The following VPS45 variants were observed in gnomAD, a reference collection of about 807,000 sequenced individuals.
VPS45 encodes vacuolar protein sorting 45 homolog.
Under a neutral mutation model 75.9 loss-of-function variants are expected in VPS45, and 35 were observed. That is an observed-to-expected ratio of 0.46 (90% confidence interval 0.35 to 0.61). VPS45 has a LOEUF of 0.61. Among genes scored for constraint, VPS45 ranks in the 20% least tolerant of loss-of-function variants. The pLI, the probability that VPS45 is intolerant of heterozygous loss-of-function variation, is 0.00. For missense variants in VPS45, 559 were observed against 685.9 expected, an observed-to-expected ratio of 0.81 and a Z score of 2.07; for synonymous variants, 220 against 238.2, an observed-to-expected ratio of 0.92 and a Z score of 0.70.
chr1:150,112,381 T>C (rs1657692932), intron 14 of VPS45, among the ~76,000 whole-genome samples: 1 of 152,210 alleles, frequency 6.6e-6, no homozygotes. Flanking sequence ...CACAAGATTA[T>C]ATAAATACTA....
chr1:150,097,551 T>C (rs1553803273), intron 13 of VPS45, among the ~76,000 whole-genome samples: 2 of 151,430 alleles, frequency 1.3e-5, no homozygotes, highest in Non-Finnish European at 2.9e-5. Flanking sequence ...AAACCCTGTC[T>C]CTACTAAAAA....
At chr1:150,073,139 G>C (rs897944105) in intron 3 of VPS45, among the ~76,000 whole-genome samples, 1 of 152,076 alleles carries the variant, frequency 6.6e-6, no homozygotes, top group Non-Finnish European at 1.5e-5. Context: ...ACATTCGGCT[G>C]TAGAAGTTAC....
intron 14 of VPS45, among the ~76,000 whole-genome samples, chr1:150,128,292 A>C (rs1658621631): frequency 1.0e-5 from 1 of 97,692 alleles, no homozygotes; most frequent in African/African-American, 4.4e-5. Flanking sequence ...ACAGAATGGG[A>C]CCCTTGTCTT....
At chr1:150,092,213 T>C in intron 11 of VPS45, 89 bp from the exon 12 acceptor site, 2 of 1,528,512 alleles carry the variant, frequency 1.3e-6, no homozygotes, top group Non-Finnish European at 1.8e-6. Context: ...TTCTGTCTTT[T>C]CATTTTTGTT....
intron 13 of VPS45, among the ~76,000 whole-genome samples, chr1:150,106,029 A>C (rs1571872213): frequency 6.6e-6 from 1 of 152,206 alleles, no homozygotes; most frequent in Non-Finnish European, 1.5e-5. Flanking sequence ...TCGATAAATT[A>C]TGCTGGGAAA....
chr1:150,144,499 AC>A (rs1170644084), intron 14 of VPS45, among the ~76,000 whole-genome samples: 3 of 151,498 alleles, frequency 2.0e-5, no homozygotes, highest in Non-Finnish European at 4.4e-5. Context: ...AAAAATGAAG[AC>A]CCTGGGGAAG....
chr1:150,075,079 G>A (rs1406819738), intron 3 of VPS45, among the ~76,000 whole-genome samples: 6 of 131,910 alleles, frequency 4.5e-5, no homozygotes, highest in African/African-American at 1.6e-4. Context: ...TGCCCAGGCT[G>A]GTCTTGAACT....
At chr1:150,078,832 G>A (rs918028797) in intron 7 of VPS45, among the ~76,000 whole-genome samples, 4 of 151,440 alleles carry the variant, frequency 2.6e-5, no homozygotes, top group Non-Finnish European at 4.4e-5. Flanking sequence ...AAGAAGAGCC[G>A]GGCGCGGTGA....
chr1:150,082,679 A>C, intron 9 of VPS45, 37 bp from the exon 10 acceptor site: 1 of 1,595,280 alleles, frequency 6.3e-7, no homozygotes, highest in Non-Finnish European at 8.5e-7. Flanking sequence ...CAGTCAAAAA[A>C]TAACAGAACC....
intron 13 of VPS45, among the ~76,000 whole-genome samples, chr1:150,108,091 T>C (rs782379999): frequency 4.6e-5 from 7 of 152,164 alleles, no homozygotes; most frequent in African/African-American, 4.8e-5. Context: ...AAAGTGACCA[T>C]CAAGTAAGAT....
chr1:150,133,247 C>T (rs1553812764), intron 14 of VPS45, among the ~76,000 whole-genome samples: 1 of 152,014 alleles, frequency 6.6e-6, no homozygotes, highest in Admixed American at 6.6e-5. Context: ...AGAGTCAGTA[C>T]CACTATAATT....
At chr1:150,072,672 A>AAAT (rs1198741898) in intron 3 of VPS45, among the ~76,000 whole-genome samples, 105,118 of 142,370 alleles carry the variant, frequency 0.74, 41,631 homozygotes, top group East Asian at 0.98. Flanking sequence ...AAAAAAAAAT[A>AAAT]CTTTTGACCA....
At chr1:150,120,591 T>C (rs1487509241) in intron 14 of VPS45, among the ~76,000 whole-genome samples, 1 of 152,186 alleles carries the variant, frequency 6.6e-6, no homozygotes, top group Non-Finnish European at 1.5e-5. Context: ...AAAGTTATCT[T>C]AAAGTGGCTC....
intron 14 of VPS45, among the ~76,000 whole-genome samples, chr1:150,132,391 G>A (rs1056134506): frequency 2.0e-5 from 3 of 152,106 alleles, no homozygotes; most frequent in Non-Finnish European, 2.9e-5. Flanking sequence ...ATTATTTCCA[G>A]TATTATCTAT....
Position 150,072,147 on chromosome 1 carries a change from C to A in VPS45, c.229-19C>A. 6.2e-7 allele frequency: 1 copy of A among 1,600,278 alleles called. No homozygotes were observed. Among genetic ancestry groups the A allele is most frequent in the East Asian group, 2.3e-5 (1 of 44,338 alleles). ...AGCAACTCTCCTCATATTTTGTTTG[C>A]TTGTTCTTCATTTTCTAGGAGAATG... On this transcript the variant is annotated intron_variant, in intron 2 of 14. Transcript: ENST00000644510.
In VPS45 at chr1:150,144,932, C is replaced by A; in HGVS notation, c.*136C>A. ...CTCATCTCCAGGTAGCCCACGGATA[C>A]GTGGTTGGCACAGACACAAGACTCC... is the stretch of plus-strand genomic sequence containing the variant. On this transcript the variant is annotated 3_prime_UTR_variant, in exon 15 of 15. Transcript: ENST00000644510. 1 of 1,543,112 alleles carries A rather than the reference C, an allele frequency of 6.5e-7. No individual in the cohort carries two copies. Among genetic ancestry groups the A allele is most frequent in the Non-Finnish European group, 8.7e-7 (1 of 1,149,046 alleles).
chr1:150,127,351 C>G (rs781796448), intron 14 of VPS45, among the ~76,000 whole-genome samples: 12 of 149,742 alleles, frequency 8.0e-5, no homozygotes, highest in Non-Finnish European at 1.6e-4. Context: ...GGGTCTCGCT[C>G]TGTTGCCCAG....
At chr1:150,130,096 C>T (rs1658747389) in intron 14 of VPS45, among the ~76,000 whole-genome samples, 1 of 151,566 alleles carries the variant, frequency 6.6e-6, no homozygotes, top group African/African-American at 2.4e-5. Flanking sequence ...AACTCCTGGC[C>T]TCAAGAGATC....
intron 14 of VPS45, 68 bp downstream of exon 14, chr1:150,110,695 T>C (rs587634152): frequency 1.4e-6 from 2 of 1,464,166 alleles, no homozygotes; most frequent in East Asian, 2.4e-5. Flanking sequence ...ATTCCCTTTA[T>C]GTTGGAAAAA....
Sources: gnomAD v4.1 joint callset for allele counts (sites outside exome capture counted in the v4.1 genomes callset) on GRCh38, gnomAD v4.1.1 for gene constraint, MANE v1.5 for transcripts, NCBI Gene and HGNC (gene_info 2026-07-23, HGNC 2026-07-21) for gene names.